The following SMARCAD1 variants were observed in gnomAD, a reference collection of about 807,000 sequenced individuals.
SMARCAD1 encodes the protein SWI/SNF-related matrix-associated actin-dependent regulator of chromatin subfamily A containing DEAD/H box 1.
Under a neutral mutation model 127.1 loss-of-function variants are expected in SMARCAD1, and 25 were observed. That is an observed-to-expected ratio of 0.20 (90% confidence interval 0.14 to 0.27). The LOEUF (loss-of-function observed/expected upper bound fraction) is 0.27, where lower values mean the gene tolerates loss of function less well. SMARCAD1 is among the 10% of genes least tolerant of loss of function. SMARCAD1 has a pLI of 1.00. For synonymous variants in SMARCAD1, 400 were observed against 396.9 expected, an observed-to-expected ratio of 1.01 and a Z score of -0.09; for missense variants, 807 against 1,206.0, an observed-to-expected ratio of 0.67 and a Z score of 4.90.
chr4:94,285,115 A>G, intron 23 of SMARCAD1, 46 bp downstream of exon 23: 2 of 1,211,448 alleles, frequency 1.7e-6, no homozygotes, highest in Non-Finnish European at 2.5e-6. Context: ...CTATATGACC[A>G]TGCATCTAAT....
intron 9 of SMARCAD1, among the ~76,000 whole-genome samples, chr4:94,258,334 T>C (rs1750433472): frequency 6.6e-6 from 1 of 152,056 alleles, no homozygotes; most frequent in African/African-American, 2.4e-5. Context: ...TTTGTATTTT[T>C]AGCAGAGACG....
intron 2 of SMARCAD1, among the ~76,000 whole-genome samples, chr4:94,210,693 A>C (rs1742075256): frequency 1.3e-5 from 2 of 152,020 alleles, no homozygotes; most frequent in African/African-American, 2.4e-5. Flanking sequence ...TAATCCCAGC[A>C]CTTTGGGATG....
intron 3 of SMARCAD1, among the ~76,000 whole-genome samples, chr4:94,227,072 T>G (rs1217815251): frequency 6.6e-6 from 1 of 152,040 alleles, no homozygotes; most frequent in Non-Finnish European, 1.5e-5. Context: ...AGTGCTTAAT[T>G]GAGAAGACAG....
intron 4 of SMARCAD1, among the ~76,000 whole-genome samples, chr4:94,235,187 C>G (rs796956946): frequency 1.2e-4 from 18 of 146,922 alleles, no homozygotes; most frequent in African/African-American, 4.3e-4. Context: ...AGCAGTCACT[C>G]TCCAGTTTTG....
chr4:94,240,119 A>G (rs995519568), intron 5 of SMARCAD1, among the ~76,000 whole-genome samples: 2 of 152,202 alleles, frequency 1.3e-5, no homozygotes, highest in African/African-American at 4.8e-5. Context: ...GGGCTCTGAT[A>G]TAATTAATGC....
chr4:94,275,791 A>ATTTTTTTTTTTTTTTT (rs1753174031), intron 14 of SMARCAD1, among the ~76,000 whole-genome samples: 1 of 61,536 alleles, frequency 1.6e-5, no homozygotes, highest in African/African-American at 4.8e-5. Context: ...TAACATTAAC[A>ATTTTTTTTTTTTTTTT]TTTTCTTTTT....
chr4:94,234,367 T>G (rs1208701938), intron 4 of SMARCAD1, among the ~76,000 whole-genome samples: 2 of 152,094 alleles, frequency 1.3e-5, no homozygotes, highest in Non-Finnish European at 2.9e-5. Context: ...AGGTTGTGAG[T>G]TTTTTTGTGT....
chr4:94,215,057 A>G (rs1407045645), intron 2 of SMARCAD1, among the ~76,000 whole-genome samples: 2 of 152,132 alleles, frequency 1.3e-5, no homozygotes, highest in African/African-American at 4.8e-5. Context: ...CCACATTAAA[A>G]TGGTTATTAT....
intron 23 of SMARCAD1, among the ~76,000 whole-genome samples, chr4:94,288,658 G>C (rs984542134): frequency 5.9e-5 from 9 of 152,056 alleles, no homozygotes; most frequent in Admixed American, 3.3e-4. Context: ...TGTGAGAGAG[G>C]GGAGGAGGAG....
intron 9 of SMARCAD1, among the ~76,000 whole-genome samples, chr4:94,260,381 T>G (rs1464149873): frequency 2.0e-5 from 3 of 152,154 alleles, no homozygotes; most frequent in African/African-American, 7.2e-5. Flanking sequence ...TCTCGCTCTG[T>G]CACTCAGGCT....
At chr4:94,245,636 A>G (rs1748295101) in intron 6 of SMARCAD1, among the ~76,000 whole-genome samples, 1 of 152,218 alleles carries the variant, frequency 6.6e-6, no homozygotes, top group African/African-American at 2.4e-5. Context: ...CCACTTTACA[A>G]TAACTCGTAA....
At chr4:94,235,640 A>AT (rs761940704) in intron 4 of SMARCAD1, among the ~76,000 whole-genome samples, 4,774 of 134,214 alleles carry the variant, frequency 0.036, 198 homozygotes, top group African/African-American at 0.098. Context: ...GCTAATGTGA[A>AT]TTTTTTTTTT....
At chr4:94,252,432 A>G (rs369747394) in intron 8 of SMARCAD1, among the ~76,000 whole-genome samples, 184 bp from the exon 9 acceptor site, 12 of 152,370 alleles carry the variant, frequency 7.9e-5, no homozygotes, top group South Asian at 6.2e-4. Flanking sequence ...CCTGCTTTTG[A>G]AACAATTGTT....
At chr4:94,279,390 T>A (rs1753710684) in intron 19 of SMARCAD1, among the ~76,000 whole-genome samples, 1 of 152,142 alleles carries the variant, frequency 6.6e-6, no homozygotes, top group Non-Finnish European at 1.5e-5. Flanking sequence ...TTCGCCCGCC[T>A]TGGCCTCCCA....
intron 6 of SMARCAD1, among the ~76,000 whole-genome samples, chr4:94,243,447 A>C (rs1391332381): frequency 2.0e-5 from 3 of 152,160 alleles, no homozygotes; most frequent in Admixed American, 2.0e-4. Context: ...AGGCTAGGTA[A>C]ATCAGATACC....
intron 22 of SMARCAD1, among the ~76,000 whole-genome samples, chr4:94,284,326 CAAAAAAAAAAAAAA>C (rs1161926658): frequency 1.4e-3 from 36 of 25,926 alleles, no homozygotes; most frequent in African/African-American, 3.4e-3. Context: ...GACTCCGTCT[CAAAAAAAAAAAAAA>C]AAAAAAAAAA....
At chr4:94,212,685 C>T (rs1194435724) in intron 2 of SMARCAD1, among the ~76,000 whole-genome samples, 1 of 152,076 alleles carries the variant, frequency 6.6e-6, no homozygotes, top group Non-Finnish European at 1.5e-5. Context: ...CAGGGTTTCA[C>T]CATGTTAGCC....
At chr4:94,227,363 CT>C (rs1330193490) in intron 3 of SMARCAD1, among the ~76,000 whole-genome samples, 1 of 152,086 alleles carries the variant, frequency 6.6e-6, no homozygotes, top group Non-Finnish European at 1.5e-5. Flanking sequence ...GTAAAATTAT[CT>C]GAGTTAGATG....
At chr4:94,277,954 A>G (rs1388738471) in intron 16 of SMARCAD1, among the ~76,000 whole-genome samples, 1 of 152,190 alleles carries the variant, frequency 6.6e-6, no homozygotes. Context: ...AATTCTCCAG[A>G]GTCACCAGTT....
Sources: gnomAD v4.1 joint callset for allele counts (sites outside exome capture counted in the v4.1 genomes callset) on GRCh38, gnomAD v4.1.1 for gene constraint, MANE v1.5 for transcripts, NCBI Gene and HGNC (gene_info 2026-07-23, HGNC 2026-07-21) for gene names.